The following OSGEPL1 variants were observed in gnomAD, a reference collection of about 807,000 sequenced individuals.
The protein encoded by OSGEPL1 is tRNA N6-adenosine threonylcarbamoyltransferase, mitochondrial.
OSGEPL1 carries 26 observed loss-of-function variants against 37.2 expected under a neutral mutation model. The observed-to-expected ratio is 0.70, with a 90% CI of 0.51 to 0.97. The LOEUF is 0.97. Ranked by LOEUF, OSGEPL1 falls within the 50% of genes least tolerant of loss-of-function variation. The pLI is 0.00. For missense variants in OSGEPL1, 404 were observed against 487.0 expected (o/e 0.83, Z 1.60); for synonymous variants, 140 against 159.9 (o/e 0.88, Z 0.94).
rs200436466 is a variant in OSGEPL1 at position 189,761,569 on chromosome 2, T to A, written c.72A>T (p.Arg24Ser). 7 of 1,610,644 alleles carry A rather than the reference T, an allele frequency of 4.3e-6. No individual in the cohort carries two copies. The African/African-American group carries it at 9.3e-5, about 22-fold the overall frequency. Residue 24 changes from arginine (R) to serine (S), a missense_variant, in exon 2 of 9, where the codon AGA (arginine) becomes AGT (serine). Coordinates refer to ENST00000264151, the MANE Select transcript of OSGEPL1 (RefSeq NM_022353.3). The part of the protein sequence containing the change: ...PSKRKVYEFL[R>S]SFNFHPGTLF... ...GTGTTCCAGGATGAAAATTAAAACTTCTTAAAAATTCATAAACTTTCCTTT... is the reference window on the plus strand; with the variant it reads ...GTGTTCCAGGATGAAAATTAAAACTACTTAAAAATTCATAAACTTTCCTTT...
At chr2:189,754,597 G>T in intron 3 of OSGEPL1, 1 of 441,000 alleles carries the variant, frequency 2.3e-6, no homozygotes, top group Non-Finnish European at 4.0e-6. Context: ...TTGGAAAATG[G>T]GCTTGAAGTT....
intron 2 of OSGEPL1, among the ~76,000 whole-genome samples, chr2:189,758,452 T>C (rs2106053324): frequency 6.6e-6 from 1 of 152,172 alleles, no homozygotes; most frequent in African/African-American, 2.4e-5. Flanking sequence ...GTAAGACGCC[T>C]ACTCCCAATT....
rs1469499887 is a variant in OSGEPL1, at chr2:189,755,488, A to G, written c.294T>C (p.Ala98=). ...RENIQRIVQE[A]LSASGVSPSD... The stretch of plus-strand genomic sequence containing the variant: ...TTGGAGAGACTCCACTGGCAGAAAG[A>G]GCTTCTTGTACTATTCGTTGAATAT... The change falls in exon 3 of 9, where the codon GCT becomes GCC. Residue 98 remains alanine (A), a synonymous_variant. Coordinates refer to ENST00000264151, the MANE Select transcript of OSGEPL1 (RefSeq NM_022353.3). 3 of 1,604,244 alleles carry G rather than the reference A, an allele frequency of 1.9e-6. No individual in the cohort carries two copies. Among genetic ancestry groups the G allele is most frequent in the Non-Finnish European group, 8.5e-7 (1 of 1,177,622 alleles).
chr2:189,761,649 T>C lies in OSGEPL1; in HGVS notation c.-9A>G. 1.9e-6 allele frequency: 3 copies of C among 1,545,032 alleles called. No individual in the cohort carries two copies. The highest frequency in any genetic ancestry group is 2.6e-6 in the Non-Finnish European group (3 of 1,151,730). ...TTAGTCAAGATTAGCATACTTACTC[T>C]ATAGATAATTCCTGAAAAAGAATTA... On this transcript the variant is annotated 5_prime_UTR_variant, in exon 2 of 9. It adds an upstream start codon to the 5' untranslated region. Coordinates refer to ENST00000264151, the MANE Select transcript of OSGEPL1 (RefSeq NM_022353.3).
At chr2:189,749,778 T>G (rs1480828493) in intron 8 of OSGEPL1, among the ~76,000 whole-genome samples, 6 of 152,182 alleles carry the variant, frequency 3.9e-5, no homozygotes, top group African/African-American at 1.4e-4. Flanking sequence ...AATAACATAT[T>G]ATGTTAGAGA....
At chr2:189,761,388 A>G (rs2106103062) in intron 2 of OSGEPL1, 32 bp downstream of exon 2, 1 of 1,560,890 alleles carries the variant, frequency 6.4e-7, no homozygotes, top group South Asian at 1.2e-5. Flanking sequence ...TTTTCCAAAA[A>G]AGTGGAAATG....
At chr2:189,759,068 C>T (rs2046546447) in intron 2 of OSGEPL1, among the ~76,000 whole-genome samples, 2 of 152,182 alleles carry the variant, frequency 1.3e-5, no homozygotes, top group Admixed American at 1.3e-4. Context: ...TAGGTCTAGA[C>T]ATCATGTCTC....
intron 3 of OSGEPL1, chr2:189,754,700 T>C (rs1446775906): frequency 7.9e-6 from 2 of 252,186 alleles, no homozygotes; most frequent in African/African-American, 4.7e-5. Flanking sequence ...TGTTTGTTTG[T>C]TTGTTTGTTT....
chr2:189,758,775 TGAGA>T (rs1387796542), intron 2 of OSGEPL1, among the ~76,000 whole-genome samples: 1 of 152,176 alleles, frequency 6.6e-6, no homozygotes, highest in Non-Finnish European at 1.5e-5. Flanking sequence ...TAGACTCTAC[TGAGA>T]GAGATTATAC....
chr2:189,763,007 A>G, upstream of OSGEPL1: 2 of 985,372 alleles, frequency 2.0e-6, no homozygotes, highest in Non-Finnish European at 2.4e-6. Flanking sequence ...GTCTGACTAC[A>G]CAACATCAAG....
intron 8 of OSGEPL1, among the ~76,000 whole-genome samples, chr2:189,748,132 A>G (rs942045221): frequency 6.6e-6 from 1 of 152,196 alleles, no homozygotes. Flanking sequence ...TTTCCCCGAT[A>G]TGTACTTAGG....
At chr2:189,760,453 A>G (rs766211152) in intron 2 of OSGEPL1, among the ~76,000 whole-genome samples, 45 of 152,342 alleles carry the variant, frequency 3.0e-4, no homozygotes, top group Non-Finnish European at 5.4e-4. Flanking sequence ...ATTTTAATAT[A>G]TTCTAAATTA....
At position 189,746,747 on chromosome 2, in the gene OSGEPL1, CGATACTAAGCA is replaced by C. The variant is rs201037870; in HGVS notation, c.*439_*449del. On this transcript the variant is annotated 3_prime_UTR_variant, in exon 9 of 9. Coordinates refer to ENST00000264151, the MANE Select transcript of OSGEPL1 (RefSeq NM_022353.3). ...CTTTTTGAATGAAAGTTCTTGATCT[CGATACTAAGCA>C]GATTTTCCTTAGCATGTCTACAGGA... 0.064 allele frequency: 70,561 copies of C among 1,100,594 alleles called. 2,599 individuals carry two copies. Among genetic ancestry groups the C allele is most frequent in the Middle Eastern group, 0.086 (363 of 4,202 alleles). 68.2% of individuals were successfully genotyped at this position (1,100,594 alleles called of 1,614,324 possible).
At chr2:189,755,123 T>G (rs2045910294) in intron 3 of OSGEPL1, 50 bp downstream of exon 3, 5 of 1,573,094 alleles carry the variant, frequency 3.2e-6, no homozygotes, top group Non-Finnish European at 4.3e-6. Context: ...GCTACTTAGT[T>G]GAAATGGACA....
chr2:189,758,073 T>C (rs761177549), intron 2 of OSGEPL1, among the ~76,000 whole-genome samples: 2 of 152,130 alleles, frequency 1.3e-5, no homozygotes, highest in Non-Finnish European at 2.9e-5. Flanking sequence ...CAATGAGTTC[T>C]CATGAGATCT....
At chr2:189,758,181 G>A (rs547132243) in intron 2 of OSGEPL1, among the ~76,000 whole-genome samples, 11 of 152,198 alleles carry the variant, frequency 7.2e-5, no homozygotes, top group African/African-American at 2.4e-4. Flanking sequence ...TCGGGAGTTC[G>A]AGACAGCCTG....
chr2:189,755,215 AAG>A lies in OSGEPL1; in HGVS notation c.565_566del (p.Leu189TrpfsTer10). On this transcript the variant is annotated frameshift_variant, in exon 3 of 9. Transcript: ENST00000264151. LOFTEE classifies it high-confidence loss of function. ...LVQGVSDFLL[L>X]GKSLDIAPGD... is the part of the protein sequence containing the mutation. ...CTGGTGCTATGTCCAAAGACTTTCC[AAG>A]AAGCAGAAAATCTGAAACTCCTTGA... 1.2e-6 allele frequency: 2 copies of A among 1,611,940 alleles called. No individual in the cohort carries two copies. The highest frequency in any genetic ancestry group is 1.7e-6 in the Non-Finnish European group (2 of 1,179,396).
Position 189,754,164 on chromosome 2 carries a change from A to G in OSGEPL1, c.791T>C (p.Ile264Thr). 6.2e-7 allele frequency: 1 copy of G among 1,613,468 alleles called. No homozygotes were observed. The highest frequency in any genetic ancestry group is 8.5e-7 in the Non-Finnish European group (1 of 1,179,636). ...TGLQHVTDKI[I>T]MKKEKEEGIE... ...ACCTTCCTCTTTTTCCTTTTTCATT[A>G]TTATTTTATCAGTAACGTGTTGAAG... The change falls in exon 4 of 9, where the codon ATA becomes ACA. Residue 264 changes from isoleucine (I) to threonine (T), a missense_variant. Ile to Thr is a moderately conservative substitution (Grantham distance 89, BLOSUM62 -1). Transcript: ENST00000264151.
chr2:189,746,695 A>C lies in OSGEPL1; in HGVS notation c.*502T>G. On this transcript the variant is annotated 3_prime_UTR_variant, in exon 9 of 9. Transcript: ENST00000264151. ...AAATTTTTTTATTTTTAATAATGGT[A>C]ATATGCAAATAACATAACTGAATAA... 7.1e-7 allele frequency: 1 copy of C among 1,404,260 alleles called. No homozygotes were observed. The highest frequency in any genetic ancestry group is 9.5e-7 in the Non-Finnish European group (1 of 1,053,692). The allele number at this position is 1,404,260 out of a possible 1,614,324, so 87.0% of individuals were successfully genotyped here.
Sources: gnomAD v4.1 joint callset for allele counts (sites outside exome capture counted in the v4.1 genomes callset) on GRCh38, gnomAD v4.1.1 for gene constraint, MANE v1.5 for transcripts, NCBI Gene and HGNC (gene_info 2026-07-23, HGNC 2026-07-21) for gene names.